ANO2: variants seen among roughly 807,000 people sequenced by gnomAD.
ANO2 encodes the protein anoctamin 2.
ANO2 carries 101 observed loss-of-function variants against 124.2 expected under a neutral mutation model. The ratio of observed to expected loss-of-function variants is 0.81; its 90% CI spans 0.69 to 0.96. ANO2 has a LOEUF of 0.96. ANO2 is among the 40% of genes least tolerant of loss of function. The pLI is 0.00. For synonymous variants in ANO2, 486 were observed against 482.5 expected, an observed-to-expected ratio of 1.01 and a Z score of -0.09; for missense variants, 1,293 against 1,274.5, an observed-to-expected ratio of 1.01 and a Z score of -0.22.
chr12:5,588,354 C>T (rs1332387099), intron 20 of ANO2, among the ~76,000 whole-genome samples: 1 of 152,214 alleles, frequency 6.6e-6, no homozygotes, highest in Non-Finnish European at 1.5e-5. Context: ...AGGGAGGAAG[C>T]CTCACTTCAT....
chr12:5,686,482 G>A (rs1206611555), intron 14 of ANO2, among the ~76,000 whole-genome samples: 1 of 152,216 alleles, frequency 6.6e-6, no homozygotes, highest in Admixed American at 6.5e-5. Context: ...AGGGGAAACA[G>A]ACTCCTACTG....
At chr12:5,564,294 C>G (rs1243679995) in intron 24 of ANO2, among the ~76,000 whole-genome samples, 2 of 152,214 alleles carry the variant, frequency 1.3e-5, no homozygotes, top group East Asian at 3.9e-4. Context: ...CTGGTGCACA[C>G]AGTAGGCTAG....
chr12:5,808,464 T>G (rs529035252), intron 7 of ANO2, among the ~76,000 whole-genome samples: 2 of 152,154 alleles, frequency 1.3e-5, no homozygotes, highest in Non-Finnish European at 2.9e-5. Flanking sequence ...GGAGGGATTA[T>G]GTCTCACCAA....
intron 4 of ANO2, among the ~76,000 whole-genome samples, chr12:5,852,847 ACGTGTGTG>A (rs1212851688): frequency 3.4e-3 from 164 of 48,924 alleles, no homozygotes; most frequent in African/African-American, 0.011. Context: ...ATGGAAAGGG[ACGTGTGTG>A]TGTGTGTGTG....
chr12:5,808,889 C>T (rs184801008), intron 7 of ANO2, among the ~76,000 whole-genome samples: 63 of 152,246 alleles, frequency 4.1e-4, no homozygotes, highest in African/African-American at 1.5e-3. Flanking sequence ...TGCCACAGTT[C>T]CAGGACATTG....
At chr12:5,758,511 G>C (rs1168123813) in intron 10 of ANO2, among the ~76,000 whole-genome samples, 2 of 152,194 alleles carry the variant, frequency 1.3e-5, no homozygotes, top group African/African-American at 4.8e-5. Context: ...TAGGGGAGCG[G>C]GAGGGGCATG....
chr12:5,612,361 C>A (rs1371405838), intron 19 of ANO2, among the ~76,000 whole-genome samples: 1 of 152,172 alleles, frequency 6.6e-6, no homozygotes, highest in Non-Finnish European at 1.5e-5. Context: ...ACTGAGAGGA[C>A]AAATAGCATT....
At chr12:5,798,761 T>C (rs182411932) in intron 10 of ANO2, among the ~76,000 whole-genome samples, 3 of 152,318 alleles carry the variant, frequency 2.0e-5, no homozygotes, top group African/African-American at 7.2e-5. Flanking sequence ...ATGGTAGCAC[T>C]TAGTGGCCAG....
At chr12:5,688,465 T>C (rs1473289668) in intron 14 of ANO2, among the ~76,000 whole-genome samples, 1 of 152,164 alleles carries the variant, frequency 6.6e-6, no homozygotes, top group Non-Finnish European at 1.5e-5. Context: ...CAGTCAATCC[T>C]TAAAGCCCCA....
intron 14 of ANO2, among the ~76,000 whole-genome samples, chr12:5,662,396 C>T (rs1257479518): frequency 6.6e-6 from 1 of 152,152 alleles, no homozygotes; most frequent in African/African-American, 2.4e-5. Context: ...AAAAAAATGA[C>T]ATTTTGAAAT....
intron 14 of ANO2, among the ~76,000 whole-genome samples, chr12:5,694,251 C>CAGACAGAGAGAGGGAGAGAG (rs1555137018): frequency 7.5e-6 from 1 of 133,882 alleles, no homozygotes; most frequent in African/African-American, 2.9e-5. Flanking sequence ...TTACCAGAGA[C>CAGACAGAGAGAGGGAGAGAG]AGAGAGAGAG....
intron 14 of ANO2, among the ~76,000 whole-genome samples, chr12:5,708,024 T>C (rs114329290): frequency 1.1e-3 from 173 of 152,280 alleles, no homozygotes; most frequent in African/African-American, 4.0e-3. Context: ...ATTCAACACA[T>C]CCAAAATTGA....
At chr12:5,886,004 C>T (rs780048391) in intron 3 of ANO2, among the ~76,000 whole-genome samples, 5 of 152,110 alleles carry the variant, frequency 3.3e-5, no homozygotes, top group South Asian at 4.2e-4. Flanking sequence ...AGGAGGTGTC[C>T]GGAGTAGGCC....
intron 4 of ANO2, among the ~76,000 whole-genome samples, chr12:5,834,950 T>C (rs1207420108): frequency 1.3e-5 from 2 of 152,356 alleles, no homozygotes; most frequent in South Asian, 2.1e-4. Context: ...ATCATAGATA[T>C]CTTTCCAGGA....
chr12:5,612,521 TTGGCAA>T, intron 19 of ANO2, 129 bp downstream of exon 19: 2 of 726,722 alleles, frequency 2.8e-6, no homozygotes, highest in Non-Finnish European at 4.6e-6. Context: ...GGGAAAGTTA[TTGGCAA>T]ATTGACAGAG....
chr12:5,890,877 T>G (rs1939342294), intron 3 of ANO2, among the ~76,000 whole-genome samples: 1 of 152,210 alleles, frequency 6.6e-6, no homozygotes, highest in Non-Finnish European at 1.5e-5. Flanking sequence ...GCTGTCTTCT[T>G]TCCCTTGCAG....
intron 3 of ANO2, among the ~76,000 whole-genome samples, chr12:5,893,642 C>T (rs193275297): frequency 6.6e-6 from 1 of 151,414 alleles, no homozygotes; most frequent in Admixed American, 6.6e-5. Flanking sequence ...CCTCCCCTAG[C>T]CCCCCACCCC....
intron 16 of ANO2, among the ~76,000 whole-genome samples, chr12:5,620,929 T>C (rs190805333): frequency 3.9e-4 from 59 of 152,338 alleles, no homozygotes; most frequent in Admixed American, 3.2e-3. Context: ...TTCCCCTCTC[T>C]GCCACCAAGA....
intron 10 of ANO2, among the ~76,000 whole-genome samples, chr12:5,778,212 C>T (rs556208277): frequency 5.1e-4 from 77 of 152,308 alleles, no homozygotes; most frequent in African/African-American, 1.8e-3. Context: ...CCAATCTTCA[C>T]AATAGCACTA....
Sources: gnomAD v4.1 joint callset for allele counts (sites outside exome capture counted in the v4.1 genomes callset) on GRCh38, gnomAD v4.1.1 for gene constraint, MANE v1.5 for transcripts, NCBI Gene and HGNC (gene_info 2026-07-23, HGNC 2026-07-21) for gene names.